Variants in ECEL1 observed in about 807,000 individuals in gnomAD.
The protein encoded by ECEL1 is endothelin-converting enzyme-like 1.
In ECEL1, 87 loss-of-function variants were observed where a neutral mutation model predicts 101.8. That is an observed-to-expected ratio of 0.85 (90% CI 0.72 to 1.02). The LOEUF is 1.02. ECEL1 is among the 50% of genes least tolerant of loss of function. The probability of loss-of-function intolerance (pLI) is 0.00; values close to 1 mark genes in which losing one functional copy is unlikely to be tolerated. For missense variants in ECEL1, 1,032 were observed against 1,079.2 expected, an observed-to-expected ratio of 0.96 and a Z score of 0.61; for synonymous variants, 487 against 468.7, an observed-to-expected ratio of 1.04 and a Z score of -0.50.
At position 232,481,431 on chromosome 2, in the gene ECEL1, G is replaced by A. The variant is rs912896342; in HGVS notation, c.1989+75C>T. ...GTTTTGTTTGGACATGTGCACGTGC[G>A]CAAGGGTGTGCGTGATGCTCCCGGC... is the stretch of plus-strand genomic sequence containing the variant. On this transcript the variant is annotated intron_variant, in intron 14 of 17. Transcript: ENST00000304546. 1.9e-5 allele frequency: 29 copies of A among 1,542,340 alleles called. No homozygotes were observed. In the Admixed American group the frequency reaches 3.5e-4, roughly 19 times the overall value.
At position 232,483,194 on chromosome 2, in the gene ECEL1, C is replaced by G. The variant is rs1245032147; in HGVS notation, c.1507-15G>C. 1 of 1,594,846 alleles carries G rather than the reference C, an allele frequency of 6.3e-7. No individual in the cohort carries two copies. Among genetic ancestry groups the G allele is most frequent in the Non-Finnish European group, 8.5e-7 (1 of 1,171,582 alleles). On this transcript the variant is annotated splice_polypyrimidine_tract_variant and intron_variant, in intron 8 of 17. Coordinates refer to ENST00000304546, the MANE Select transcript of ECEL1 (RefSeq NM_004826.4). The stretch of plus-strand genomic sequence containing the variant: ...ATGTACTGGAGCTGCGGGCCGAGGG[C>G]AGGTGAAGGTGGCACCAGGCCTCGG...
intron 16 of ECEL1, 72 bp downstream of exon 16, chr2:232,480,646 C>A: frequency 1.3e-6 from 2 of 1,564,272 alleles, no homozygotes; most frequent in Non-Finnish European, 8.8e-7. Context: ...CTGGGCAAGG[C>A]AGGACTGGGA....
chr2:232,481,545 G>A lies in ECEL1; in HGVS notation c.1950C>T (p.Ile650=), dbSNP rs764405950. ...CAGTGAAGTTGTCATAGAGACGGACGATGCACTCAGCCTTTCGCAGGAAGC... is the reference window on the plus strand; with the variant it reads ...CAGTGAAGTTGTCATAGAGACGGACAATGCACTCAGCCTTTCGCAGGAAGC... ...YSRFLRKAEC[I]VRLYDNFTVY... is the part of the protein sequence containing the mutation. The change falls in exon 14 of 18, where the codon ATC becomes ATT. Residue 650 remains isoleucine, a synonymous_variant. Transcript: ENST00000304546. The A allele has an allele frequency of 6.8e-6, 11 of 1,613,562 alleles. No individual in the cohort carries two copies. Among genetic ancestry groups the A allele is most frequent in the African/African-American group, 2.7e-5 (2 of 74,938 alleles).
At chr2:232,483,592 C>A (rs2106184522) in intron 7 of ECEL1, 78 bp from the exon 8 acceptor site, 1 of 1,195,336 alleles carries the variant, frequency 8.4e-7, no homozygotes, top group South Asian at 1.5e-5. Context: ...GGTACCCCTG[C>A]CTTTAAGCAC....
rs1198936555 is a variant in ECEL1 at position 232,486,067 on chromosome 2, A to T, written c.587T>A (p.Leu196Gln). ...GACCTCTAGCATGGGTCGCGGGCCCAGTCGCTCGATCTCGCGCATGTCGAG... is the reference window on the plus strand; with the variant it reads ...GACCTCTAGCATGGGTCGCGGGCCCTGTCGCTCGATCTCGCGCATGTCGAG... ...SCLDMREIERLGPRPMLEVIE... is the reference protein window; with the variant it reads ...SCLDMREIERQGPRPMLEVIE... Residue 196 changes from leucine (L) to glutamine (Q), a missense_variant, in exon 2 of 18, where the codon CTG becomes CAG. Coordinates refer to ENST00000304546, the MANE Select transcript of ECEL1 (RefSeq NM_004826.4). 2 of 1,605,454 alleles carry T rather than the reference A, an allele frequency of 1.2e-6. No individual in the cohort carries two copies. The highest frequency in any genetic ancestry group is 1.1e-5 in the South Asian group (1 of 90,068).
intron 14 of ECEL1, 57 bp downstream of exon 14, chr2:232,481,449 C>A: frequency 1.3e-6 from 2 of 1,560,094 alleles, no homozygotes; most frequent in Non-Finnish European, 1.7e-6. Context: ...GTGCGTGATG[C>A]TCCCGGCCCG....
rs779630717 is a variant in ECEL1 at position 232,486,134 on chromosome 2, C to T, written c.520G>A (p.Gly174Ser). Reference sequence around the variant, plus strand: ...GCGCGCACCTTGCGCTGGGCCGCGCCGCCAGGCCCACCCCCGGGCCGCGCC... The same window carrying T: ...GCGCGCACCTTGCGCTGGGCCGCGCTGCCAGGCCCACCCCCGGGCCGCGCC... ...LLARPGGGPG[G>S]AAQRKVRAFF... is the part of the protein sequence containing the mutation. The change falls in exon 2 of 18, where the codon GGC becomes AGC. Residue 174 changes from glycine to serine, a missense_variant. Coordinates refer to ENST00000304546, the MANE Select transcript of ECEL1 (RefSeq NM_004826.4). The T allele has an allele frequency of 2.6e-6, 4 of 1,563,762 alleles. No individual in the cohort carries two copies. Among genetic ancestry groups the T allele is most frequent in the Admixed American group, 3.7e-5 (2 of 53,476 alleles).
rs191331240 is a variant in ECEL1 at position 232,486,603 on chromosome 2, G to C, written c.51C>G (p.Val17=). 2.0e-6 allele frequency: 3 copies of C among 1,502,386 alleles called. No homozygotes were observed. The highest frequency in any genetic ancestry group is 2.6e-6 in the Non-Finnish European group (3 of 1,135,126). 93.1% of individuals were successfully genotyped at this position (1,502,386 alleles called of 1,614,324 possible). A position where few individuals can be genotyped will look rare whatever the true frequency, so the allele number is the denominator to read the frequency against. The change falls in exon 2 of 18, where the codon GTC becomes GTG. Residue 17 remains valine (V), a synonymous_variant. Transcript: ENST00000304546. The part of the protein sequence containing the change: ...LTAHYDEFQE[V]KYVSRCGAGG... ...CCGCGCCGCAGCGGCTCACGTACTTGACCTCTTGGAACTCATCGTAGTGCG... is the reference window on the plus strand; with the variant it reads ...CCGCGCCGCAGCGGCTCACGTACTTCACCTCTTGGAACTCATCGTAGTGCG...
In ECEL1 at chr2:232,481,080, A is replaced by G. The variant is rs1690564735; in HGVS notation, c.2055+11T>C. ...CCTGCAGCAGGGGTGGAGCACAGGC[A>G]GGCCGCTCACGTGGTAGGCCAGCTT... On this transcript the variant is annotated intron_variant, in intron 15 of 17. Transcript: ENST00000304546. 11 of 1,555,704 alleles carry G rather than the reference A, an allele frequency of 7.1e-6. No individual in the cohort carries two copies. Among genetic ancestry groups the G allele is most frequent in the Non-Finnish European group, 8.7e-6 (10 of 1,149,820 alleles).
rs760375610 is a variant in ECEL1, at chr2:232,484,090, C to G, written c.1318G>C (p.Val440Leu). 28 of 1,613,764 alleles carry G rather than the reference C, an allele frequency of 1.7e-5. No individual in the cohort carries two copies. The highest frequency in any genetic ancestry group is 2.2e-5 in the Non-Finnish European group (26 of 1,180,010). ...GSDKPQELAR[V>L]CLGQANRHFG... ...TGGCGATTGGCCTGGCCCAAGCAGACCCGGGCCAGCTCCTGTGGCTTGTCG... is the reference window on the plus strand; with the variant it reads ...TGGCGATTGGCCTGGCCCAAGCAGAGCCGGGCCAGCTCCTGTGGCTTGTCG... Residue 440 changes from valine to leucine, a missense_variant, in exon 7 of 18, where the codon GTC becomes CTC. Transcript: ENST00000304546.
chr2:232,483,280 A>T (rs564578606), intron 8 of ECEL1, 101 bp from the exon 9 acceptor site: 143 of 1,296,192 alleles, frequency 1.1e-4, no homozygotes, highest in Non-Finnish European at 1.7e-5. Flanking sequence ...CCAGCCTGGG[A>T]GTGGGCTTCA....
intron 8 of ECEL1, 68 bp downstream of exon 8, chr2:232,483,348 C>T: frequency 1.3e-6 from 2 of 1,565,856 alleles, no homozygotes; most frequent in Non-Finnish European, 1.7e-6. Flanking sequence ...CTTTTGTTCT[C>T]TTTCGCTGGT....
Position 232,483,416 on chromosome 2 carries a change from C to T in ECEL1, c.1506G>A (p.Lys502=). The T allele has an allele frequency of 1.2e-6, 2 of 1,604,724 alleles. No homozygotes were observed. Among genetic ancestry groups the T allele is most frequent in the Non-Finnish European group, 1.7e-6 (2 of 1,176,380 alleles). The change falls in exon 8 of 18, where the codon AAG becomes AAA. Residue 502 remains lysine (K), a splice_region_variant and synonymous_variant. Coordinates refer to ENST00000304546, the MANE Select transcript of ECEL1 (RefSeq NM_004826.4). ...DAETRAAARA[K]LQYMMVMVGY... Reference sequence around the variant, plus strand: ...CCAATGACACTGGGTCCCCCCTCACCTTGGCCCGAGCAGCAGCCCTGGTCT... The same window carrying T: ...CCAATGACACTGGGTCCCCCCTCACTTTGGCCCGAGCAGCAGCCCTGGTCT...
At chr2:232,483,321 C>T (rs951069257) in intron 8 of ECEL1, 95 bp downstream of exon 8, 27 of 1,545,966 alleles carry the variant, frequency 1.7e-5, no homozygotes, top group Middle Eastern at 1.7e-4. Flanking sequence ...GTCAACTCCA[C>T]GAAGGCCTCT....
Position 232,486,044 on chromosome 2 carries a change from C to T in ECEL1, c.610G>A (p.Val204Ile), listed in dbSNP as rs1418455209. 2 of 1,609,110 alleles carry T rather than the reference C, an allele frequency of 1.2e-6. No individual in the cohort carries two copies. Among genetic ancestry groups the T allele is most frequent in the Admixed American group, 1.7e-5 (1 of 59,756 alleles). Reference sequence around the variant, plus strand: ...TCCCAGCCCCCGCAGTCCTCGATGACCTCTAGCATGGGTCGCGGGCCCAGT... The same window carrying T: ...TCCCAGCCCCCGCAGTCCTCGATGATCTCTAGCATGGGTCGCGGGCCCAGT... ...ERLGPRPMLE[V>I]IEDCGGWDLG... The change falls in exon 2 of 18, where the codon GTC becomes ATC. Residue 204 changes from valine (V) to isoleucine (I), a missense_variant. Transcript: ENST00000304546.
rs1467200971 is a variant in ECEL1 at position 232,485,949 on chromosome 2, C to A, written c.705G>T (p.Ala235=). 3.8e-6 allele frequency: 6 copies of A among 1,588,584 alleles called. No individual in the cohort carries two copies. The South Asian group carries it at 5.7e-5, about 15-fold the overall frequency. Residue 235 remains alanine, a synonymous_variant, in exon 2 of 18, where the codon GCG becomes GCT. Transcript: ENST00000304546. ...GCGCGGCGGCGCTGTACACGCCCTG[C>A]GCCTTGTACAGCAGCCGGTTGAGGT... ...RWDLNRLLYK[A]QGVYSAAALF...
chr2:232,483,357 G>A (rs965140167), intron 8 of ECEL1, 59 bp downstream of exon 8: 5 of 1,566,574 alleles, frequency 3.2e-6, no homozygotes, highest in Non-Finnish European at 4.3e-6. Flanking sequence ...TCTTTCGCTG[G>A]TACACAGTAG....
rs200774892 is a variant in ECEL1, at chr2:232,480,777, G to C, written c.2092C>G (p.His698Asp). 1 of 1,614,110 alleles carries C rather than the reference G, an allele frequency of 6.2e-7. No individual in the cohort carries two copies. Among genetic ancestry groups the C allele is most frequent in the East Asian group, 2.2e-5 (1 of 44,880 alleles). ...GTGTACTTGAGCCGGGGAAGTGGGT[G>C]CTCTGGGCCGTGCTCCCGCACCCAC... ...QKWVREHGPE[H>D]PLPRLKYTHD... is the part of the protein sequence containing the mutation. Residue 698 changes from histidine to aspartate, a missense_variant, in exon 16 of 18, where the codon CAC becomes GAC. Physicochemically the swap from His to Asp is moderately conservative, Grantham distance 81. Transcript: ENST00000304546.
chr2:232,486,011 C>A lies in ECEL1; in HGVS notation c.643G>T (p.Gly215Cys). 6.2e-7 allele frequency: 1 copy of A among 1,608,234 alleles called. No homozygotes were observed. The highest frequency in any genetic ancestry group is 8.5e-7 in the Non-Finnish European group (1 of 1,178,456). Reference protein sequence around the residue: ...IEDCGGWDLGGAEERPGVAAR... With the variant: ...IEDCGGWDLGCAEERPGVAAR... ...GCGACCCCCGGACGCTCCTCCGCGC[C>A]GCCCAGGTCCCAGCCCCCGCAGTCC... Residue 215 changes from glycine to cysteine, a missense_variant, in exon 2 of 18, where the codon GGC (glycine) becomes TGC (cysteine). Transcript: ENST00000304546.
Sources: gnomAD v4.1 joint callset for allele counts on GRCh38, gnomAD v4.1.1 for gene constraint, MANE v1.5 for transcripts, NCBI Gene and HGNC (gene_info 2026-07-23, HGNC 2026-07-21) for gene names.